Variants in DNAAF19 observed in about 807,000 individuals in gnomAD.
DNAAF19 encodes dynein axonemal assembly factor 19.
At chr17:44,900,118 C>T in the DNAAF19 span, among the ~76,000 whole-genome samples, 1 of 152,018 alleles carries the variant, frequency 6.6e-6, no homozygotes, top group African/African-American at 2.4e-5. Context: ...CTAGAACCCA[C>T]GTAGAGAATC....
chr17:44,903,576 A>G, the DNAAF19 span: 1 of 1,387,770 alleles, frequency 7.2e-7, no homozygotes. Flanking sequence ...AGGGGAGTAA[A>G]GGCCAGGTTC....
the DNAAF19 span, chr17:44,902,810 T>C: frequency 2.6e-6 from 4 of 1,547,332 alleles, no homozygotes; most frequent in Admixed American, 4.0e-5. Context: ...CTGTACCAGG[T>C]TGACTGATGC....
the DNAAF19 span, chr17:44,903,979 G>T: frequency 1.3e-6 from 2 of 1,550,644 alleles, no homozygotes; most frequent in Non-Finnish European, 1.7e-6. Context: ...TGAGCTTTGA[G>T]CTTCCCTGTC....
At chr17:44,903,521 C>G in the DNAAF19 span, 1 of 1,285,782 alleles carries the variant, frequency 7.8e-7, no homozygotes, top group East Asian at 2.9e-5. Context: ...CTTCTCATTC[C>G]GGTTTCCTTT....
chr17:44,902,836 G>C, the DNAAF19 span: 10 of 1,521,376 alleles, frequency 6.6e-6, no homozygotes, highest in Non-Finnish European at 8.0e-6. Flanking sequence ...GCTACCCTCA[G>C]AGGTCCCAGT....
At chr17:44,903,281 T>C in the DNAAF19 span, 2 of 1,246,916 alleles carry the variant, frequency 1.6e-6, no homozygotes, top group Non-Finnish European at 2.0e-6. Flanking sequence ...AAATACTACA[T>C]CATTTGAGGT....
chr17:44,905,017 C>T, the DNAAF19 span: 2 of 1,550,340 alleles, frequency 1.3e-6, no homozygotes, highest in Non-Finnish European at 1.7e-6. Context: ...TCACCATTCA[C>T]TTCTGTCGTT....
chr17:44,903,200 A>T, the DNAAF19 span: 1 of 1,267,752 alleles, frequency 7.9e-7, no homozygotes, highest in Non-Finnish European at 9.9e-7. Context: ...ACAAACACTG[A>T]TCTCCACAGC....
the DNAAF19 span, chr17:44,902,444 G>A: frequency 1.3e-5 from 21 of 1,614,222 alleles, no homozygotes; most frequent in East Asian, 2.9e-4. Context: ...GGGCCAGAGC[G>A]CTACCAGGCT....
chr17:44,901,424 G>A, the DNAAF19 span: 1,496 of 1,390,748 alleles, frequency 1.1e-3, 6 homozygotes, highest in Middle Eastern at 4.4e-3. Flanking sequence ...ATATTGGTCC[G>A]TAACAGGTTT....
At chr17:44,901,634 G>T in the DNAAF19 span, 4 of 1,614,130 alleles carry the variant, frequency 2.5e-6, no homozygotes, top group South Asian at 4.4e-5. Context: ...TCCAGGATGT[G>T]GCCACTGAAA....
the DNAAF19 span, chr17:44,903,474 A>C: frequency 1.3e-4 from 170 of 1,270,034 alleles, no homozygotes; most frequent in Non-Finnish European, 1.6e-4. Flanking sequence ...TGGAGCACTG[A>C]GGCAGAGATC....
chr17:44,902,189 T>C, the DNAAF19 span: 2 of 806,546 alleles, frequency 2.5e-6, no homozygotes, highest in Non-Finnish European at 4.2e-6. Flanking sequence ...GCCCTCCCTG[T>C]TTCATCCCCA....
chr17:44,904,009 G>A, the DNAAF19 span: 1 of 1,550,652 alleles, frequency 6.4e-7, no homozygotes, highest in East Asian at 2.4e-5. Context: ...CCGAAGAGGT[G>A]CCAGCTGTAG....
the DNAAF19 span, chr17:44,904,986 T>TGA: frequency 2.6e-6 from 4 of 1,550,842 alleles, no homozygotes; most frequent in South Asian, 4.8e-5. Context: ...ATAGGCTACC[T>TGA]GCTCATCACA....
At chr17:44,902,778 G>A in the DNAAF19 span, 3 of 1,582,312 alleles carry the variant, frequency 1.9e-6, no homozygotes, top group Non-Finnish European at 2.6e-6. Flanking sequence ...AGGAGGAGAG[G>A]CTCCTGCAGG....
chr17:44,902,907 AC>A, the DNAAF19 span: 62 of 1,435,116 alleles, frequency 4.3e-5, no homozygotes, highest in Non-Finnish European at 5.6e-5. Context: ...ATAATAAGAA[AC>A]CCACACCTGG....
chr17:44,901,723 T>G, the DNAAF19 span: 1 of 1,492,244 alleles, frequency 6.7e-7, no homozygotes, highest in Non-Finnish European at 9.0e-7. Flanking sequence ...TTTTTTCATT[T>G]TGTTTTGTTT....
the DNAAF19 span, chr17:44,901,419 G>A: frequency 1.5e-6 from 2 of 1,335,396 alleles, no homozygotes; most frequent in Non-Finnish European, 2.1e-6. Flanking sequence ...TGGTCATATT[G>A]GTCCGTAACA....
Sources: allele counts gnomAD v4.1 joint callset (sites outside exome capture counted in the v4.1 genomes callset), GRCh38; gene constraint gnomAD v4.1.1; transcripts MANE v1.5; gene names NCBI Gene and HGNC (gene_info 2026-07-23, HGNC 2026-07-21).